The following CREB5 variants were observed in gnomAD, a reference collection of about 807,000 sequenced individuals.
CREB5 encodes cyclic AMP-responsive element-binding protein 5.
Under a neutral mutation model 57.1 loss-of-function variants are expected in CREB5, and 19 were observed. The observed-to-expected ratio is 0.33, with a 90% CI of 0.23 to 0.49. The LOEUF is 0.49. Among genes scored for constraint, CREB5 ranks in the 20% least tolerant of loss-of-function variants. CREB5 has a pLI of 0.99. For missense variants in CREB5, 579 were observed against 671.6 expected (o/e 0.86, Z 1.52); for synonymous variants, 238 against 238.3 (o/e 1.00, Z 0.01).
At chr7:28,351,472 C>T (rs11772770) in intron 1 of CREB5, among the ~76,000 whole-genome samples, 96,479 of 152,084 alleles carry the variant, frequency 0.63, 30,832 homozygotes, top group Non-Finnish European at 0.67. Context: ...CAGACTGTCT[C>T]TTGTGTTCTT....
intron 4 of CREB5, among the ~76,000 whole-genome samples, chr7:28,513,189 C>G (rs1393969123): frequency 6.6e-6 from 1 of 152,212 alleles, no homozygotes; most frequent in Non-Finnish European, 1.5e-5. Context: ...TAGCCAGCAT[C>G]GCTGCTCTGT....
chr7:28,767,857 A>G (rs948556269), intron 7 of CREB5, among the ~76,000 whole-genome samples: 3 of 152,206 alleles, frequency 2.0e-5, no homozygotes, highest in Non-Finnish European at 4.4e-5. Context: ...CCTTCCCATG[A>G]TCCATCTAGA....
At chr7:28,631,806 T>C (rs1332002060) in intron 5 of CREB5, among the ~76,000 whole-genome samples, 3 of 152,052 alleles carry the variant, frequency 2.0e-5, no homozygotes, top group Admixed American at 6.6e-5. Context: ...ATGAAAGATC[T>C]TGGCCTTGGG....
At chr7:28,521,785 A>G (rs1339358434) in intron 4 of CREB5, among the ~76,000 whole-genome samples, 1 of 152,172 alleles carries the variant, frequency 6.6e-6, no homozygotes, top group Non-Finnish European at 1.5e-5. Context: ...AAGTGCACAG[A>G]GAGTTTGTGT....
intron 1 of CREB5, among the ~76,000 whole-genome samples, chr7:28,341,505 G>T (rs917010543): frequency 6.6e-6 from 1 of 152,148 alleles, no homozygotes; most frequent in African/African-American, 2.4e-5. Flanking sequence ...TCTACTTCCT[G>T]GTTGATACTA....
At position 28,351,430 on chromosome 7, in the gene CREB5, C is replaced by T. The variant is rs1786182828; in HGVS notation, c.-25+51989C>T. On this transcript the variant is annotated intron_variant, in intron 1 of 9. Transcript: ENST00000396299. ...GGAAGAAAGATGTTTGCAAAGGAGC[C>T]AAGGGGGAAAGCAGGTTGCCTGCAC... Among the ~76,000 whole-genome samples, 4 of 152,162 alleles carry T rather than the reference C, an allele frequency of 2.6e-5. No individual in the cohort carries two copies. In the South Asian group the frequency reaches 8.3e-4, roughly 32 times the overall value.
intron 1 of CREB5, among the ~76,000 whole-genome samples, chr7:28,401,004 T>C (rs1787450577): frequency 6.6e-6 from 1 of 152,198 alleles, no homozygotes; most frequent in South Asian, 2.1e-4. Flanking sequence ...CCATTGATCT[T>C]AAGGAAATGA....
At chr7:28,523,826 T>A (rs983558080) in intron 4 of CREB5, among the ~76,000 whole-genome samples, 1 of 152,242 alleles carries the variant, frequency 6.6e-6, no homozygotes, top group Admixed American at 6.5e-5. Flanking sequence ...CCTCACCTGA[T>A]GCAATCTTGA....
At chr7:28,410,662 T>A, upstream of CREB5, 1 of 419,312 alleles carries the variant, frequency 2.4e-6, no homozygotes. Context: ...ACTTGTATAT[T>A]TCGTTGTCAG....
Position 28,822,454 on chromosome 7 carries a change from GT to G in CREB5, c.*3177del, listed in dbSNP as rs1372571626. On this transcript the variant is annotated 3_prime_UTR_variant, in exon 11 of 11. Transcript: ENST00000357727. ...GTACTCCATTCTCCTCCCTCAGCCA[GT>G]TACTGGGTCACCCATCCATGTGTTC... 1.3e-5 allele frequency: 2 copies of G among 152,662 alleles called. No homozygotes were observed. The highest frequency in any genetic ancestry group is 4.8e-5 in the African/African-American group (2 of 41,456). 9.5% of individuals were successfully genotyped at this position (152,662 alleles called of 1,614,324 possible).
intron 1 of CREB5, among the ~76,000 whole-genome samples, chr7:28,419,756 A>G (rs1030424966): frequency 2.0e-5 from 3 of 152,216 alleles, no homozygotes; most frequent in South Asian, 4.1e-4. Flanking sequence ...ATTGATTCAG[A>G]TACATATTGT....
At chr7:28,733,337 C>T (rs917003130) in intron 7 of CREB5, among the ~76,000 whole-genome samples, 9 of 152,142 alleles carry the variant, frequency 5.9e-5, no homozygotes, top group African/African-American at 2.2e-4. Context: ...ACCCATGTTT[C>T]CAAGGTACCT....
intron 5 of CREB5, among the ~76,000 whole-genome samples, chr7:28,627,074 T>A (rs754332491): frequency 2.4e-4 from 36 of 152,246 alleles, no homozygotes; most frequent in Admixed American, 4.6e-4. Flanking sequence ...CTCCACCCCA[T>A]CCATTCTGCT....
At position 28,425,407 on chromosome 7, in the gene CREB5, A is replaced by G. The variant is rs1277363223; in HGVS notation, c.3+12490A>G. Among the ~76,000 whole-genome samples the G allele has an allele frequency of 5.9e-5, 9 of 152,268 alleles. No homozygotes were observed. In the East Asian group the frequency reaches 1.5e-3, roughly 26 times the overall value. On this transcript the variant is annotated intron_variant, in intron 1 of 10. Coordinates refer to ENST00000357727, the MANE Select transcript of CREB5 (RefSeq NM_182898.4). Reference sequence around the variant, plus strand: ...AGAATAGGCAAATCCGTAGAGACAGAAGGTAGATTCATGATTGCCTAGGAC... The same window carrying G: ...AGAATAGGCAAATCCGTAGAGACAGGAGGTAGATTCATGATTGCCTAGGAC...
Position 28,821,263 on chromosome 7 carries a change from AT to A in CREB5, c.*1988del, listed in dbSNP as rs769706228. On this transcript the variant is annotated 3_prime_UTR_variant, in exon 11 of 11. Coordinates refer to ENST00000357727, the MANE Select transcript of CREB5 (RefSeq NM_182898.4). The stretch of plus-strand genomic sequence containing the variant: ...TTCTCTCACTATAGTATAAGAATCT[AT>A]TTTGGAGAAAAAAAGAAAATATGAG... 6.6e-6 allele frequency: 1 copy of A among 152,044 alleles called. No individual in the cohort carries two copies. The highest frequency in any genetic ancestry group is 6.6e-5 in the Admixed American group (1 of 15,246). The allele number at this position is 152,044 out of a possible 1,614,324, so 9.4% of individuals were successfully genotyped here. A position where few individuals can be genotyped will look rare whatever the true frequency, so the allele number is the denominator to read the frequency against.
At chr7:28,774,167 G>C (rs1228290691) in intron 7 of CREB5, among the ~76,000 whole-genome samples, 1 of 152,126 alleles carries the variant, frequency 6.6e-6, no homozygotes, top group Admixed American at 6.6e-5. Flanking sequence ...TTGCTGTTTA[G>C]ACTTGGAGAG....
At position 28,522,975 on chromosome 7, in the gene CREB5, C is replaced by T. The variant is rs190085439; in HGVS notation, c.291+15238C>T. 1.1e-3 allele frequency among the ~76,000 whole-genome samples: 172 copies of T among 152,330 alleles called. 1 individual carries two copies. The highest frequency in any genetic ancestry group is 3.8e-3 in the African/African-American group (158 of 41,586). On this transcript the variant is annotated intron_variant, in intron 4 of 10. Coordinates refer to ENST00000357727, the MANE Select transcript of CREB5 (RefSeq NM_182898.4). The stretch of plus-strand genomic sequence containing the variant: ...CAGAGTTCTGTGAGAGACATCCACT[C>T]GCTGTGAGGTGTTTTGTTCTGTGCC...
chr7:28,691,185 C>T (rs1253527815), intron 5 of CREB5, among the ~76,000 whole-genome samples: 4 of 152,128 alleles, frequency 2.6e-5, no homozygotes, highest in Admixed American at 2.6e-4. Context: ...TTTGGGAGGC[C>T]AAGGCAGATG....
chr7:28,586,007 T>G (rs1295886409), intron 5 of CREB5, among the ~76,000 whole-genome samples: 1 of 152,242 alleles, frequency 6.6e-6, no homozygotes, highest in African/African-American at 2.4e-5. Context: ...TCTTTAGAAC[T>G]TTGCATCTTT....
Sources: allele counts gnomAD v4.1 joint callset (sites outside exome capture counted in the v4.1 genomes callset), GRCh38; gene constraint gnomAD v4.1.1; transcripts MANE v1.5; gene names NCBI Gene and HGNC (gene_info 2026-07-23, HGNC 2026-07-21).